GLI2: variants seen among roughly 807,000 people sequenced by gnomAD.
GLI2 encodes transcription activator GLI2.
GLI2 carries 22 observed loss-of-function variants against 78.9 expected under a neutral mutation model. The observed-to-expected ratio is 0.28, with a 90% CI of 0.20 to 0.40. The LOEUF (loss-of-function observed/expected upper bound fraction) is 0.40. Among genes scored for constraint, GLI2 ranks in the 10% least tolerant of loss-of-function variants. The pLI, the probability that GLI2 is intolerant of heterozygous loss-of-function variation, is 1.00. For missense variants in GLI2, 2,097 were observed against 2,213.2 expected (o/e 0.95, Z 1.05); for synonymous variants, 974 against 963.7 (o/e 1.01, Z -0.20).
intron 2 of GLI2, among the ~76,000 whole-genome samples, chr2:120,833,134 T>C (rs1393135733): frequency 6.6e-6 from 1 of 151,988 alleles, no homozygotes; most frequent in Non-Finnish European, 1.5e-5. Context: ...TTTGCCTTTC[T>C]CTCCTGTCCA....
Position 120,986,353 on chromosome 2 carries a change from G to A in GLI2, c.1981G>A (p.Asp661Asn), listed in dbSNP as rs940902068. 1.1e-5 allele frequency: 18 copies of A among 1,613,678 alleles called. No homozygotes were observed. The highest frequency in any genetic ancestry group is 1.5e-5 in the Non-Finnish European group (18 of 1,180,016). ...TCCTCTGGGCAGTGCCCCCAACAATGACAGTGGCGTGGAGATGCCGGGGAC... is the reference window on the plus strand; with the variant it reads ...TCCTCTGGGCAGTGCCCCCAACAATAACAGTGGCGTGGAGATGCCGGGGAC... ...PSPLGSAPNN[D>N]SGVEMPGTGP... The change falls in exon 13 of 14, where the codon GAC (aspartate) becomes AAC (asparagine). Residue 661 changes from aspartate (D) to asparagine (N), a missense_variant. Coordinates refer to ENST00000361492, the MANE Select transcript of GLI2 (RefSeq NM_001374353.1).
At chr2:120,974,136 T>C (rs553557419) in intron 8 of GLI2, among the ~76,000 whole-genome samples, 2 of 152,282 alleles carry the variant, frequency 1.3e-5, no homozygotes, top group Non-Finnish European at 2.9e-5. Flanking sequence ...GCCTCTTTGC[T>C]TGGCTTTGCT....
chr2:120,846,169 C>T (rs559508292), intron 2 of GLI2, among the ~76,000 whole-genome samples: 2 of 152,332 alleles, frequency 1.3e-5, no homozygotes, highest in South Asian at 4.1e-4. Flanking sequence ...GTGGAGTGGC[C>T]TCCCTTCCAC....
At chr2:120,752,671 C>T (rs1438678628) in intron 1 of GLI2, among the ~76,000 whole-genome samples, 4 of 152,168 alleles carry the variant, frequency 2.6e-5, no homozygotes, top group Admixed American at 1.3e-4. Context: ...ATAAAGTTTT[C>T]GTACCACTGC....
rs755399491 is a variant in GLI2 at position 120,984,592 on chromosome 2, A to G, written c.1754A>G (p.Asp585Gly). The part of the protein sequence containing the change: ...DAHVTKKQRN[D>G]VHLRTPLLKE... ...CACGTCACCAAGAAGCAGCGCAATG[A>G]CGTGCACCTCCGCACACCGCTGCTC... The change falls in exon 12 of 14, where the codon GAC (aspartate) becomes GGC (glycine). Residue 585 changes from aspartate to glycine, a missense_variant. Asp to Gly is a moderately conservative substitution (Grantham distance 94). Coordinates refer to ENST00000361492, the MANE Select transcript of GLI2 (RefSeq NM_001374353.1). The G allele has an allele frequency of 6.2e-7, 1 of 1,614,220 alleles. No individual in the cohort carries two copies. Among genetic ancestry groups the G allele is most frequent in the East Asian group, 2.2e-5 (1 of 44,886 alleles).
chr2:120,809,656 T>G (rs1486842393), intron 2 of GLI2, among the ~76,000 whole-genome samples: 1 of 152,164 alleles, frequency 6.6e-6, no homozygotes, highest in East Asian at 1.9e-4. Context: ...TCACAGCCCC[T>G]GGGATCTCCA....
intron 2 of GLI2, among the ~76,000 whole-genome samples, chr2:120,896,227 T>C (rs1677935647): frequency 6.9e-6 from 1 of 144,484 alleles, no homozygotes; most frequent in African/African-American, 2.5e-5. Flanking sequence ...TCCCCCACCC[T>C]CTCTCCGCCC....
chr2:120,958,796 C>G (rs1198519998), intron 5 of GLI2, among the ~76,000 whole-genome samples: 1 of 152,192 alleles, frequency 6.6e-6, no homozygotes, highest in Non-Finnish European at 1.5e-5. Context: ...AGCCCCAGGC[C>G]TTTCAAGCCA....
chr2:120,870,422 G>C (rs895993837), intron 2 of GLI2, among the ~76,000 whole-genome samples: 1 of 152,212 alleles, frequency 6.6e-6, no homozygotes, highest in Non-Finnish European at 1.5e-5. Context: ...GTGAGAAGCT[G>C]TAGAGATCTT....
At position 120,814,313 on chromosome 2, in the gene GLI2, G is replaced by A. The variant is rs1053866023; in HGVS notation, c.148+16845G>A. On this transcript the variant is annotated intron_variant, in intron 2 of 13. Transcript: ENST00000361492. ...GAGATGGGGGTGGTAAGTGCTGATC[G>A]CCATGATTTCTGGGGGCTTAGGAAG... is the stretch of plus-strand genomic sequence containing the variant. Among the ~76,000 whole-genome samples the A allele has an allele frequency of 5.3e-5, 8 of 152,304 alleles. No homozygotes were observed. The South Asian group carries it at 8.3e-4, about 16-fold the overall frequency.
intron 3 of GLI2, among the ~76,000 whole-genome samples, chr2:120,935,091 G>A (rs1680131030): frequency 6.6e-6 from 1 of 152,146 alleles, no homozygotes; most frequent in South Asian, 2.1e-4. Context: ...TGTTTTTTGG[G>A]AAGAACCTTC....
chr2:120,766,802 T>G lies in GLI2; in HGVS notation c.-30-30489T>G, dbSNP rs75576382. ...TTAAAGAAACCGGTGGCCATCATCATTATATTATTATGTGAGTAGATTCTT... is the reference window on the plus strand; with the variant it reads ...TTAAAGAAACCGGTGGCCATCATCAGTATATTATTATGTGAGTAGATTCTT... On this transcript the variant is annotated intron_variant, in intron 1 of 13. Coordinates refer to ENST00000361492, the MANE Select transcript of GLI2 (RefSeq NM_001374353.1). 5.3e-3 allele frequency among the ~76,000 whole-genome samples: 812 copies of G among 152,238 alleles called. 8 individuals carry two copies. Among genetic ancestry groups the G allele is most frequent in the African/African-American group, 0.018 (761 of 41,544 alleles).
intron 12 of GLI2, among the ~76,000 whole-genome samples, chr2:120,985,129 T>G (rs1381233790): frequency 1.3e-5 from 2 of 152,184 alleles, no homozygotes; most frequent in Non-Finnish European, 2.9e-5. Context: ...CGTCCACTCC[T>G]TTTGTTCTAA....
At chr2:120,966,508 AGAGGCTGTTAG>A (rs552597053) in intron 5 of GLI2, among the ~76,000 whole-genome samples, 212 of 152,286 alleles carry the variant, frequency 1.4e-3, no homozygotes, top group Admixed American at 2.2e-3. Flanking sequence ...ATCCCATGAA[AGAGGCTGTTAG>A]GAGAGAAAAC....
At position 120,760,501 on chromosome 2, in the gene GLI2, C is replaced by A. The variant is rs551170769; in HGVS notation, c.-31+24216C>A. Among the ~76,000 whole-genome samples the A allele has an allele frequency of 7.2e-5, 11 of 152,276 alleles. No homozygotes were observed. In the South Asian group the frequency reaches 1.9e-3, roughly 26 times the overall value. On this transcript the variant is annotated intron_variant, in intron 1 of 13. Coordinates refer to ENST00000361492, the MANE Select transcript of GLI2 (RefSeq NM_001374353.1). ...AGGTTGTGTTAGGAGATTTGGGGGA[C>A]TCTTCCCCTTTGGCACTTGTATGTA... is the stretch of plus-strand genomic sequence containing the variant.
chr2:120,984,662 A>C lies in GLI2; in HGVS notation c.1824A>C (p.Pro608=). ...AGGCCGGCACGGAGCCTGGCGGCCC[A>C]GAGAGCACCGAGGCCAGCAGCACCA... The part of the protein sequence containing the change: ...DSEAGTEPGG[P]ESTEASSTSQ... The change falls in exon 12 of 14, where the codon CCA becomes CCC. Residue 608 remains proline (P), a synonymous_variant. Transcript: ENST00000361492. The C allele has an allele frequency of 6.2e-7, 1 of 1,613,914 alleles. No homozygotes were observed.
At chr2:120,801,428 C>G (rs190550441) in intron 2 of GLI2, among the ~76,000 whole-genome samples, 7 of 152,292 alleles carry the variant, frequency 4.6e-5, no homozygotes, top group African/African-American at 1.4e-4. Flanking sequence ...CGTGAGCCAC[C>G]TTGGGATTTC....
intron 2 of GLI2, among the ~76,000 whole-genome samples, chr2:120,898,552 C>T (rs765812875): frequency 1.3e-5 from 2 of 151,954 alleles, no homozygotes; most frequent in Non-Finnish European, 2.9e-5. Flanking sequence ...ACTATGGGCT[C>T]GACACTTTAC....
At chr2:120,919,463 A>G (rs900380808) in intron 2 of GLI2, among the ~76,000 whole-genome samples, 1 of 152,238 alleles carries the variant, frequency 6.6e-6, no homozygotes, top group African/African-American at 2.4e-5. Flanking sequence ...CCAGGGTCCC[A>G]CACAGACCAA....
Sources: allele counts gnomAD v4.1 joint callset (sites outside exome capture counted in the v4.1 genomes callset), GRCh38; gene constraint gnomAD v4.1.1; transcripts MANE v1.5; gene names NCBI Gene and HGNC (gene_info 2026-07-23, HGNC 2026-07-21).